The following CYP2C18 variants were observed in gnomAD, a reference collection of about 807,000 sequenced individuals.
CYP2C18 encodes the protein cytochrome P450 2C18.
Under a neutral mutation model 41.3 loss-of-function variants are expected in CYP2C18, and 38 were observed. The observed-to-expected ratio is 0.92, with a 90% CI of 0.71 to 1.21. The LOEUF is 1.21. CYP2C18 is among the 50% of genes most tolerant of loss of function. CYP2C18 has a pLI of 0.00. For synonymous variants in CYP2C18, 236 were observed against 210.0 expected, an observed-to-expected ratio of 1.12 and a Z score of -1.07; for missense variants, 635 against 591.4, an observed-to-expected ratio of 1.07 and a Z score of -0.77.
chr10:94,718,757 C>A (rs1434968923), intron 5 of CYP2C18, among the ~76,000 whole-genome samples: 3 of 152,120 alleles, frequency 2.0e-5, no homozygotes, highest in East Asian at 3.9e-4. Flanking sequence ...TAATATAATA[C>A]TGGTACTTTT....
chr10:94,683,881 G>C lies in CYP2C18; in HGVS notation c.62G>C (p.Arg21Thr). 6.2e-7 allele frequency: 1 copy of C among 1,611,630 alleles called. No homozygotes were observed. Among genetic ancestry groups the C allele is most frequent in the African/African-American group, 1.3e-5 (1 of 74,998 alleles). ...TGTTTGTTTCTCCTTTCACTCTGGAGGCAGAGCTCTGGAAGAGGGAGGCTC... is the reference window on the plus strand; with the variant it reads ...TGTTTGTTTCTCCTTTCACTCTGGACGCAGAGCTCTGGAAGAGGGAGGCTC... ...LSCLFLLSLW[R>T]QSSGRGRLPS... is the part of the protein sequence containing the mutation. The change falls in exon 1 of 9, where the codon AGG becomes ACG. Residue 21 changes from arginine (R) to threonine (T), a missense_variant. Coordinates refer to ENST00000285979, the MANE Select transcript of CYP2C18 (RefSeq NM_000772.3).
At chr10:94,727,039 G>T (rs1474092085) in intron 7 of CYP2C18, among the ~76,000 whole-genome samples, 1 of 151,976 alleles carries the variant, frequency 6.6e-6, no homozygotes. Flanking sequence ...TGCAACTGAG[G>T]AAATGAATTT....
chr10:94,711,913 C>T (rs1190946174), intron 5 of CYP2C18, among the ~76,000 whole-genome samples: 1 of 151,536 alleles, frequency 6.6e-6, no homozygotes, highest in Admixed American at 6.6e-5. Context: ...ATGACCATAG[C>T]TCACTGCAGC....
At chr10:94,714,837 G>A (rs975303906) in intron 5 of CYP2C18, among the ~76,000 whole-genome samples, 1 of 152,058 alleles carries the variant, frequency 6.6e-6, no homozygotes, top group Admixed American at 6.6e-5. Flanking sequence ...ATTTGTTTGT[G>A]TCCTCTTTTA....
At chr10:94,701,283 G>A (rs1361300560) in intron 4 of CYP2C18, among the ~76,000 whole-genome samples, 1 of 152,178 alleles carries the variant, frequency 6.6e-6, no homozygotes, top group Admixed American at 6.5e-5. Flanking sequence ...GGAATACTAT[G>A]CAGCCATAAA....
intron 5 of CYP2C18, among the ~76,000 whole-genome samples, chr10:94,717,069 G>A (rs768229734): frequency 1.3e-4 from 19 of 152,000 alleles, no homozygotes; most frequent in Non-Finnish European, 2.4e-4. Context: ...TTGAGTCTGT[G>A]TGTGTCTCTG....
chr10:94,697,417 G>A (rs1002861961), intron 4 of CYP2C18, among the ~76,000 whole-genome samples: 2 of 152,172 alleles, frequency 1.3e-5, no homozygotes, highest in Non-Finnish European at 2.9e-5. Flanking sequence ...ATCATTTATA[G>A]ACAAGCAAAT....
At chr10:94,725,793 A>G (rs977748628) in intron 7 of CYP2C18, among the ~76,000 whole-genome samples, 13 of 152,126 alleles carry the variant, frequency 8.5e-5, no homozygotes, top group Non-Finnish European at 1.8e-4. Flanking sequence ...ACAGAGACAT[A>G]CACAGCTGGG....
intron 1 of CYP2C18, among the ~76,000 whole-genome samples, chr10:94,686,874 A>G (rs1379380919): frequency 6.6e-6 from 1 of 152,172 alleles, no homozygotes; most frequent in African/African-American, 2.4e-5. Flanking sequence ...GGAAAATGGT[A>G]GTGGAAGTGT....
At position 94,735,260 on chromosome 10, in the gene CYP2C18, C is replaced by T; in HGVS notation, c.1292-3C>T. ...ACAAATCCCCTATGTCTCTTATTTT[C>T]AGGAAAACGGATGTGTATGGGAGAG... On this transcript the variant is annotated splice_region_variant and splice_polypyrimidine_tract_variant and intron_variant, in intron 8 of 8. Coordinates refer to ENST00000285979, the MANE Select transcript of CYP2C18 (RefSeq NM_000772.3). The T allele has an allele frequency of 6.2e-7, 1 of 1,613,212 alleles. No homozygotes were observed. Among genetic ancestry groups the T allele is most frequent in the Non-Finnish European group, 8.5e-7 (1 of 1,179,448 alleles).
rs561458104 is a variant in CYP2C18, at chr10:94,720,356, G to C, written c.820-40G>C. 874 of 1,527,748 alleles carry C rather than the reference G, an allele frequency of 5.7e-4. 1 individual carries two copies. The highest frequency in any genetic ancestry group is 7.1e-4 in the Non-Finnish European group (806 of 1,134,804). The allele number at this position is 1,527,748 out of a possible 1,614,324, so 94.6% of individuals were successfully genotyped here. On this transcript the variant is annotated intron_variant, in intron 5 of 8. Transcript: ENST00000285979. ...GGATTTTTTGTAATTTAATATGCTG[G>C]CAAACTACCAAATAATTAAATTATG...
intron 5 of CYP2C18, among the ~76,000 whole-genome samples, chr10:94,710,913 T>C (rs1012485330): frequency 2.0e-5 from 3 of 152,244 alleles, no homozygotes; most frequent in African/African-American, 7.2e-5. Context: ...TTTTTGTATG[T>C]TAATTACTCC....
intron 5 of CYP2C18, among the ~76,000 whole-genome samples, chr10:94,713,430 T>G (rs1313758442): frequency 1.4e-5 from 2 of 146,406 alleles, no homozygotes; most frequent in Non-Finnish European, 3.0e-5. Context: ...GAACATGCGG[T>G]GTTTGGTTTT....
Position 94,706,891 on chromosome 10 carries a change from A to C in CYP2C18, c.750A>C (p.Glu250Asp). ...IKSYVLERIK[E>D]HQESLDMNSA... ...GTTATGTATTGGAGAGAATAAAAGA[A>C]CATCAAGAATCCCTGGACATGAACA... Residue 250 changes from glutamate to aspartate, a missense_variant, in exon 5 of 9, where the codon GAA becomes GAC. Coordinates refer to ENST00000285979, the MANE Select transcript of CYP2C18 (RefSeq NM_000772.3). The C allele has an allele frequency of 1.2e-6, 2 of 1,612,900 alleles. No homozygotes were observed. The highest frequency in any genetic ancestry group is 2.2e-5 in the East Asian group (1 of 44,706).
At chr10:94,701,266 A>G (rs575935617) in intron 4 of CYP2C18, among the ~76,000 whole-genome samples, 1 of 152,388 alleles carries the variant, frequency 6.6e-6, no homozygotes, top group South Asian at 2.1e-4. Context: ...TGGCACATAT[A>G]CACCATGGAA....
chr10:94,723,152 A>G (rs1447760569), intron 6 of CYP2C18, among the ~76,000 whole-genome samples: 1 of 152,172 alleles, frequency 6.6e-6, no homozygotes, highest in Non-Finnish European at 1.5e-5. Flanking sequence ...GAATATTTTC[A>G]GATCTGCATT....
intron 5 of CYP2C18, among the ~76,000 whole-genome samples, chr10:94,718,216 G>C (rs1425682088): frequency 6.6e-6 from 1 of 151,420 alleles, no homozygotes; most frequent in Non-Finnish European, 1.5e-5. Context: ...ATTGTAAATG[G>C]GTTTATTTTT....
intron 4 of CYP2C18, among the ~76,000 whole-genome samples, chr10:94,698,291 A>G (rs1014066777): frequency 3.9e-5 from 6 of 152,256 alleles, no homozygotes; most frequent in African/African-American, 1.4e-4. Context: ...CTCTCAGACC[A>G]TGGTGCAATC....
intron 6 of CYP2C18, among the ~76,000 whole-genome samples, chr10:94,721,576 C>T (rs1847645666): frequency 6.6e-6 from 1 of 151,704 alleles, no homozygotes; most frequent in African/African-American, 2.4e-5. Context: ...GTACATTGTT[C>T]CCAATAGGTA....
Sources: allele counts gnomAD v4.1 joint callset (sites outside exome capture counted in the v4.1 genomes callset), GRCh38; gene constraint gnomAD v4.1.1; transcripts MANE v1.5; gene names NCBI Gene and HGNC (gene_info 2026-07-23, HGNC 2026-07-21).